The following CCDC50 variants were observed in gnomAD, a reference collection of about 807,000 sequenced individuals.
CCDC50 encodes coiled-coil domain-containing protein 50.
Under a neutral mutation model 70.2 loss-of-function variants are expected in CCDC50, and 54 were observed. That is an observed-to-expected ratio of 0.77 (90% CI 0.62 to 0.96). The LOEUF (loss-of-function observed/expected upper bound fraction) is 0.96, where lower values mean the gene tolerates loss of function less well. CCDC50 is among the 50% of genes least tolerant of loss of function. The probability of loss-of-function intolerance (pLI) is 0.00; values close to 1 mark genes in which losing one functional copy is unlikely to be tolerated. For missense variants in CCDC50, 558 were observed against 578.7 expected, an observed-to-expected ratio of 0.96 and a Z score of 0.37; for synonymous variants, 216 against 198.8, an observed-to-expected ratio of 1.09 and a Z score of -0.73.
At chr3:191,348,117 T>C (rs1711985585) in intron 1 of CCDC50, among the ~76,000 whole-genome samples, 1 of 142,330 alleles carries the variant, frequency 7.0e-6, no homozygotes, top group African/African-American at 2.5e-5. Flanking sequence ...AAGAAAATGA[T>C]AGATGAGTCT....
At position 191,375,208 on chromosome 3, in the gene CCDC50, T is replaced by C; in HGVS notation, c.595T>C (p.Ser199Pro). The C allele has an allele frequency of 6.2e-7, 1 of 1,613,744 alleles. No individual in the cohort carries two copies. Among genetic ancestry groups the C allele is most frequent in the Non-Finnish European group, 8.5e-7 (1 of 1,179,806 alleles). The change falls in exon 6 of 12, where the codon TCA (serine) becomes CCA (proline). Residue 199 changes from serine to proline, a missense_variant. Physicochemically the swap from Ser to Pro is moderately conservative, Grantham distance 74. Transcript: ENST00000392455. The part of the protein sequence containing the change: ...ENLEEPEQHC[S>P]SKRSLSSSSS... ...CTTGGAAGAGCCAGAACAACATTGTTCATCGAAGAGATCCCTGTCATCCTC... is the reference window on the plus strand; with the variant it reads ...CTTGGAAGAGCCAGAACAACATTGTCCATCGAAGAGATCCCTGTCATCCTC...
chr3:191,388,154 A>G (rs1713560762), intron 10 of CCDC50, among the ~76,000 whole-genome samples: 1 of 152,066 alleles, frequency 6.6e-6, no homozygotes, highest in South Asian at 2.1e-4. Context: ...ATATATATAT[A>G]TAAAACAGAT....
rs998975902 is a variant in CCDC50, at chr3:191,382,743, T to A, written c.1243-3T>A. ...GTTTGTTTGTTTGTATTTTTGTCCA[T>A]AGCCAAAAACAGCTAAAGCAGCAAA... is the stretch of plus-strand genomic sequence containing the variant. On this transcript the variant is annotated splice_polypyrimidine_tract_variant and splice_region_variant and intron_variant, in intron 9 of 11. Transcript: ENST00000392455. 1 of 1,603,610 alleles carries A rather than the reference T, an allele frequency of 6.2e-7. No individual in the cohort carries two copies. Among genetic ancestry groups the A allele is most frequent in the Non-Finnish European group, 8.5e-7 (1 of 1,170,980 alleles).
At chr3:191,353,227 C>T (rs893822153) in intron 1 of CCDC50, among the ~76,000 whole-genome samples, 3 of 142,044 alleles carry the variant, frequency 2.1e-5, no homozygotes, top group East Asian at 3.8e-4. Context: ...GGAGAGCCTA[C>T]GGGACCATTG....
Position 191,383,890 on chromosome 3 carries a change from T to C in CCDC50, c.1322+1065T>C, listed in dbSNP as rs147237395. On this transcript the variant is annotated intron_variant, in intron 10 of 11. Transcript: ENST00000392455. ...TTAGTACATTCCCAAAGTATCCAAG[T>C]AAAAGAAGCAGCAGCTAATCTGTTC... is the stretch of plus-strand genomic sequence containing the variant. Among the ~76,000 whole-genome samples the C allele has an allele frequency of 2.9e-3, 446 of 152,264 alleles. 1 individual carries two copies. Among genetic ancestry groups the C allele is most frequent in the African/African-American group, 0.01 (428 of 41,574 alleles).
intron 10 of CCDC50, among the ~76,000 whole-genome samples, chr3:191,386,330 T>A (rs1232123265): frequency 6.7e-6 from 1 of 149,078 alleles, no homozygotes; most frequent in Non-Finnish European, 1.5e-5. Context: ...GTTCAAGCGA[T>A]TCTTCTGCCT....
In CCDC50 at chr3:191,396,861, C is replaced by T. The variant is rs1440929057; in HGVS notation, c.*5101C>T. On this transcript the variant is annotated 3_prime_UTR_variant, in exon 12 of 12. Coordinates refer to ENST00000392455, the MANE Select transcript of CCDC50 (RefSeq NM_178335.3). ...TGTTGAGTTGTAGAAATATATGGCC[C>T]TAAAAACCATTCTCTTTCCCTTATA... 1.3e-5 allele frequency: 2 copies of T among 152,178 alleles called. No homozygotes were observed. The highest frequency in any genetic ancestry group is 2.9e-5 in the Non-Finnish European group (2 of 68,024). The allele number at this position is 152,178 out of a possible 1,614,324, so 9.4% of individuals were successfully genotyped here.
chr3:191,370,478 GTTTTTTTGTTTT>G (rs1352124184), intron 5 of CCDC50, among the ~76,000 whole-genome samples: 43 of 128,554 alleles, frequency 3.3e-4, no homozygotes, highest in African/African-American at 4.3e-4. Flanking sequence ...TTTTTTGTTT[GTTTTTTTGTTTT>G]TTTTTTTGTT....
At chr3:191,367,445 A>C (rs145569899) in intron 4 of CCDC50, among the ~76,000 whole-genome samples, 11 of 152,158 alleles carry the variant, frequency 7.2e-5, no homozygotes, top group Admixed American at 2.6e-4. Context: ...TGTTAAAATG[A>C]ATCTCTTTTC....
At chr3:191,333,897 G>A (rs1379735126) in intron 1 of CCDC50, among the ~76,000 whole-genome samples, 2 of 151,906 alleles carry the variant, frequency 1.3e-5, no homozygotes, top group Non-Finnish European at 2.9e-5. Flanking sequence ...GGTATGTCTT[G>A]TAAATAGAAT....
chr3:191,379,265 C>T (rs1049691258), intron 6 of CCDC50, among the ~76,000 whole-genome samples: 5 of 151,960 alleles, frequency 3.3e-5, no homozygotes, highest in African/African-American at 1.2e-4. Flanking sequence ...TATACGTGTT[C>T]AAAGCACCCT....
intron 1 of CCDC50, among the ~76,000 whole-genome samples, chr3:191,336,969 A>C (rs1040104066): frequency 6.6e-6 from 1 of 152,252 alleles, no homozygotes; most frequent in Non-Finnish European, 1.5e-5. Context: ...ATTCAAAAAA[A>C]ATAATGTTTT....
chr3:191,375,222 C>T lies in CCDC50; in HGVS notation c.609C>T (p.Ser203=), dbSNP rs772078408. 1 of 1,613,738 alleles carries T rather than the reference C, an allele frequency of 6.2e-7. No homozygotes were observed. The highest frequency in any genetic ancestry group is 2.2e-5 in the East Asian group (1 of 44,870). The part of the protein sequence containing the change: ...EPEQHCSSKR[S]LSSSSSGKGR... ...AACAACATTGTTCATCGAAGAGATC[C>T]CTGTCATCCTCTAGCTCGGGCAAAG... The change falls in exon 6 of 12, where the codon TCC becomes TCT. Residue 203 remains serine, a synonymous_variant. Transcript: ENST00000392455.
chr3:191,332,001 A>G (rs1161636788), intron 1 of CCDC50, among the ~76,000 whole-genome samples: 2 of 152,192 alleles, frequency 1.3e-5, no homozygotes, highest in Non-Finnish European at 2.9e-5. Flanking sequence ...TAAACTTTTG[A>G]TAGATATATA....
chr3:191,375,433 C>T lies in CCDC50; in HGVS notation c.820C>T (p.Arg274Ter), dbSNP rs762982877. Residue 274 changes from arginine to a stop codon, truncating the protein, a stop_gained, in exon 6 of 12, where the codon CGA becomes TGA. Transcript: ENST00000392455. LOFTEE classifies it high-confidence loss of function. ...GGAAAAACAGTCTCGACACCAAGAT[C>T]GACTTTCACCCAAGTCCTCACAAAA... is the stretch of plus-strand genomic sequence containing the variant. ...NWEKQSRHQD[R>*]LSPKSSQKAG... The T allele has an allele frequency of 6.8e-5, 109 of 1,613,640 alleles. No individual in the cohort carries two copies. The highest frequency in any genetic ancestry group is 1.8e-4 in the East Asian group (8 of 44,874).
At chr3:191,334,039 A>AT (rs1718067529) in intron 1 of CCDC50, among the ~76,000 whole-genome samples, 1 of 152,074 alleles carries the variant, frequency 6.6e-6, no homozygotes, top group East Asian at 1.9e-4. Context: ...TGTGTTTTTG[A>AT]TTTTTACTTG....
Position 191,380,742 on chromosome 3 carries a change from G to T in CCDC50, c.1137+11G>T, listed in dbSNP as rs370480866. ...GTAGCTCAAGATGAAGTAAGTTAAT[G>T]AGTTTAGCTGATATTCTTTGGAAAT... On this transcript the variant is annotated intron_variant, in intron 8 of 11. Transcript: ENST00000392455. The T allele has an allele frequency of 1.1e-4, 180 of 1,612,230 alleles. No homozygotes were observed. Among genetic ancestry groups the T allele is most frequent in the Admixed American group, 3.0e-4 (18 of 59,788 alleles).
At chr3:191,374,648 T>A (rs1713029831) in intron 5 of CCDC50, among the ~76,000 whole-genome samples, 1 of 152,214 alleles carries the variant, frequency 6.6e-6, no homozygotes, top group South Asian at 2.1e-4. Flanking sequence ...AGCCTCTGTC[T>A]GAAATTACAA....
At chr3:191,338,710 G>C (rs1001268286) in intron 1 of CCDC50, among the ~76,000 whole-genome samples, 36 of 152,254 alleles carry the variant, frequency 2.4e-4, no homozygotes, top group African/African-American at 7.7e-4. Flanking sequence ...GCTAATCTTT[G>C]AAAGATCATT....
Sources: gnomAD v4.1 joint callset for allele counts (sites outside exome capture counted in the v4.1 genomes callset) on GRCh38, gnomAD v4.1.1 for gene constraint, MANE v1.5 for transcripts, NCBI Gene and HGNC (gene_info 2026-07-23, HGNC 2026-07-21) for gene names.